Variants in ZFAT observed in about 807,000 individuals in gnomAD.
ZFAT encodes zinc finger and AT-hook domain containing.
ZFAT carries 64 observed loss-of-function variants against 117.7 expected under a neutral mutation model. That is an observed-to-expected ratio of 0.54 (90% CI 0.44 to 0.67). ZFAT has a LOEUF of 0.67. ZFAT is among the 30% of genes least tolerant of loss of function. ZFAT has a pLI of 0.00. For missense variants in ZFAT, 1,433 were observed against 1,584.5 expected (o/e 0.90, Z 1.62); for synonymous variants, 679 against 615.0 (o/e 1.10, Z -1.54).
intron 1 of ZFAT, among the ~76,000 whole-genome samples, chr8:134,660,976 A>T (rs1377790608): frequency 6.6e-6 from 1 of 152,248 alleles, no homozygotes; most frequent in East Asian, 1.9e-4. Context: ...CAGCTCTCTC[A>T]GGCAGGGAAA....
chr8:134,695,147 A>G (rs1424740473), intron 1 of ZFAT, among the ~76,000 whole-genome samples: 1 of 152,154 alleles, frequency 6.6e-6, no homozygotes, highest in Non-Finnish European at 1.5e-5. Flanking sequence ...CCCAGGCTGC[A>G]GTGGAGGAGC....
chr8:134,648,059 T>A (rs540220656), intron 2 of ZFAT, among the ~76,000 whole-genome samples: 1 of 152,030 alleles, frequency 6.6e-6, no homozygotes, highest in African/African-American at 2.4e-5. Flanking sequence ...ACAAAAATAA[T>A]GGTAGCTATG....
chr8:134,707,437 A>T (rs1834179389), intron 1 of ZFAT, among the ~76,000 whole-genome samples: 2 of 152,178 alleles, frequency 1.3e-5, no homozygotes, highest in Admixed American at 1.3e-4. Flanking sequence ...TAAAAAAAAA[A>T]TTAATAAGCA....
At chr8:134,555,349 C>T (rs1480366204) in intron 11 of ZFAT, among the ~76,000 whole-genome samples, 1 of 152,232 alleles carries the variant, frequency 6.6e-6, no homozygotes, top group East Asian at 1.9e-4. Flanking sequence ...AGGTATTCAG[C>T]ATAAATCGCA....
chr8:134,597,670 T>C (rs1827065885), intron 7 of ZFAT: 1 of 152,188 alleles, frequency 6.6e-6, no homozygotes, highest in Non-Finnish European at 1.5e-5. Context: ...GACCAGATCC[T>C]ACTTGAAAAT....
intron 1 of ZFAT, among the ~76,000 whole-genome samples, chr8:134,691,747 G>A (rs1833598140): frequency 6.6e-6 from 1 of 152,086 alleles, no homozygotes; most frequent in Non-Finnish European, 1.5e-5. Context: ...TGTGCTTATT[G>A]GTTTAACCTG....
At chr8:134,657,857 T>G (rs1716149055) in intron 1 of ZFAT, 120 bp from the exon 2 acceptor site, 4 of 1,088,504 alleles carry the variant, frequency 3.7e-6, no homozygotes, top group Non-Finnish European at 5.2e-6. Context: ...TCTACCAGAT[T>G]GTGTCTCTCT....
At chr8:134,811,686 T>C in the ZFAT span, among the ~76,000 whole-genome samples, 2 of 152,206 alleles carry the variant, frequency 1.3e-5, no homozygotes, top group South Asian at 4.1e-4. Flanking sequence ...AGAGCACCCA[T>C]TCTTTTAAAT....
chr8:134,714,353 G>A (rs1258171826), upstream of ZFAT, among the ~76,000 whole-genome samples: 1 of 152,126 alleles, frequency 6.6e-6, no homozygotes, highest in Non-Finnish European at 1.5e-5. Flanking sequence ...TTTGCACAGC[G>A]TTCATCCTCA....
intron 12 of ZFAT, among the ~76,000 whole-genome samples, chr8:134,522,034 C>T (rs557275918): frequency 6.6e-6 from 1 of 152,390 alleles, no homozygotes; most frequent in South Asian, 2.1e-4. Flanking sequence ...TCCGCAGCAT[C>T]CTGGAATCTC....
chr8:134,481,593 G>A (rs1180582377), intron 15 of ZFAT, among the ~76,000 whole-genome samples: 1 of 152,186 alleles, frequency 6.6e-6, no homozygotes, highest in Non-Finnish European at 1.5e-5. Context: ...TCACTGCCAA[G>A]GACAAGGAGA....
chr8:134,671,280 G>T (rs1356530874), intron 1 of ZFAT, among the ~76,000 whole-genome samples: 4 of 152,132 alleles, frequency 2.6e-5, no homozygotes, highest in Non-Finnish European at 5.9e-5. Context: ...TGATACCAAA[G>T]CCTGGCAGAG....
chr8:134,705,203 C>A (rs1405378409), intron 1 of ZFAT, among the ~76,000 whole-genome samples: 1 of 151,982 alleles, frequency 6.6e-6, no homozygotes, highest in East Asian at 1.9e-4. Context: ...TATTTACTTA[C>A]CTATTTATTT....
chr8:134,732,821 A>G, the ZFAT span, among the ~76,000 whole-genome samples: 3 of 152,138 alleles, frequency 2.0e-5, no homozygotes, highest in Non-Finnish European at 4.4e-5. Context: ...AGGAGTGGAG[A>G]GGAATGGGCA....
At chr8:134,611,410 C>T (rs1324060593) in intron 3 of ZFAT, among the ~76,000 whole-genome samples, 2 of 152,214 alleles carry the variant, frequency 1.3e-5, no homozygotes, top group Non-Finnish European at 2.9e-5. Context: ...CCCAAGTATC[C>T]CGTGTGGTGA....
rs548386574 is a variant in ZFAT at position 134,600,454 on chromosome 8, A to T, written c.2457T>A (p.Leu819=). ...TPDKYKLQAH[L]KVHTALDKRS... Reference sequence around the variant, plus strand: ...TACTTACCAGTGCTGTGTGAACTTTAAGATGTGCCTGTAGCTTATATTTAT... The same window carrying T: ...TACTTACCAGTGCTGTGTGAACTTTTAGATGTGCCTGTAGCTTATATTTAT... Residue 819 remains leucine, a synonymous_variant, in exon 7 of 16, where the codon CTT becomes CTA. Coordinates refer to ENST00000377838, the MANE Select transcript of ZFAT (RefSeq NM_020863.4). 1.2e-6 allele frequency: 2 copies of T among 1,614,190 alleles called. No homozygotes were observed. The highest frequency in any genetic ancestry group is 1.7e-5 in the Admixed American group (1 of 60,024).
At chr8:134,513,142 G>A (rs1819981727) in intron 13 of ZFAT, among the ~76,000 whole-genome samples, 1 of 151,984 alleles carries the variant, frequency 6.6e-6, no homozygotes, top group Admixed American at 6.5e-5. Flanking sequence ...CACGTGGAGA[G>A]CACAGGTCCC....
Position 134,564,935 on chromosome 8 carries a change from A to G in ZFAT, c.2976+398T>C, listed in dbSNP as rs1824321261. The G allele has an allele frequency of 4.1e-6, 5 of 1,208,060 alleles. No homozygotes were observed. The East Asian group carries it at 2.8e-4, about 69-fold the overall frequency. The allele number at this position is 1,208,060 out of a possible 1,614,324, so 74.8% of individuals were successfully genotyped here. ...CTCCCGAACACAATCTCCAGTTTTTACAACTGCTTGCCGGGTGGGCTTCAT... is the reference window on the plus strand; with the variant it reads ...CTCCCGAACACAATCTCCAGTTTTTGCAACTGCTTGCCGGGTGGGCTTCAT... On this transcript the variant is annotated intron_variant, in intron 11 of 15. Transcript: ENST00000377838.
chr8:134,539,414 G>A (rs1474874312), intron 11 of ZFAT, among the ~76,000 whole-genome samples: 1 of 152,182 alleles, frequency 6.6e-6, no homozygotes, highest in Non-Finnish European at 1.5e-5. Flanking sequence ...TACATCAAAA[G>A]GCTCAAAGAT....
Sources: allele counts gnomAD v4.1 joint callset (sites outside exome capture counted in the v4.1 genomes callset), GRCh38; gene constraint gnomAD v4.1.1; transcripts MANE v1.5; gene names NCBI Gene and HGNC (gene_info 2026-07-23, HGNC 2026-07-21).